The following TRPC5 variants were observed in gnomAD, a reference collection of about 807,000 sequenced individuals.
TRPC5 encodes the protein short transient receptor potential channel 5.
In TRPC5, 9 loss-of-function variants were observed where a neutral mutation model predicts 56.5. The ratio of observed to expected loss-of-function variants is 0.16; its 90% CI spans 0.10 to 0.28. The LOEUF is 0.28. TRPC5 is among the 10% of genes least tolerant of loss of function. TRPC5 has a pLI of 1.00. For synonymous variants in TRPC5, 282 were observed against 278.5 expected (o/e 1.01, Z -0.13); for missense variants, 469 against 748.9 (o/e 0.63, Z 4.36).
intron 1 of TRPC5, among the ~76,000 whole-genome samples, chrX:112,077,605 C>T (rs1306321332): frequency 9.0e-6 from 1 of 111,600 alleles, no homozygotes; most frequent in African/African-American, 3.3e-5. Context: ...CTTGGAGTAG[C>T]AAGGCTCTAG....
chrX:112,040,829 C>T (rs1343405208), intron 1 of TRPC5, among the ~76,000 whole-genome samples: 1 of 111,939 alleles, frequency 8.9e-6, no homozygotes, highest in African/African-American at 3.2e-5. Context: ...CAAGAATATA[C>T]TCTGAGACAG....
At chrX:111,990,542 C>T (rs898510046) in intron 1 of TRPC5, among the ~76,000 whole-genome samples, 3 of 111,599 alleles carry the variant, frequency 2.7e-5, no homozygotes, top group African/African-American at 6.5e-5. Flanking sequence ...AAATAGATCA[C>T]GTTAAAATGG....
Position 111,846,094 on chromosome X carries a change from A to C in TRPC5, c.1700+1020T>G, listed in dbSNP as rs142922941. Among the ~76,000 whole-genome samples, 518 of 110,765 alleles carry C rather than the reference A, an allele frequency of 4.7e-3. 2 individuals are homozygous for C. Among genetic ancestry groups the C allele is most frequent in the African/African-American group, 0.017 (494 of 29,620 alleles). ...GTTTTGTTTTTTTCTCTATCACTGCAACAGTCCTTTTTTTCTCTGGCCTTT... is the reference window on the plus strand; with the variant it reads ...GTTTTGTTTTTTTCTCTATCACTGCCACAGTCCTTTTTTTCTCTGGCCTTT... On this transcript the variant is annotated intron_variant, in intron 6 of 10. Transcript: ENST00000262839.
intron 1 of TRPC5, among the ~76,000 whole-genome samples, chrX:112,050,913 C>T (rs1237588198): frequency 8.9e-6 from 1 of 112,355 alleles, no homozygotes; most frequent in Non-Finnish European, 1.9e-5. Context: ...TAACTGACTT[C>T]TCTAAGTTCC....
chrX:111,919,233 T>C (rs1350910101), intron 2 of TRPC5, among the ~76,000 whole-genome samples: 1 of 111,414 alleles, frequency 9.0e-6, no homozygotes, highest in Non-Finnish European at 1.9e-5. Flanking sequence ...ACTCTGTAGC[T>C]AGCTAGAGGT....
chrX:111,903,394 G>A (rs1226189751), intron 3 of TRPC5: 2 of 112,298 alleles, frequency 1.8e-5, no homozygotes, highest in Admixed American at 9.4e-5. Context: ...GACGGTTTAT[G>A]ATGGAAAGCC....
rs189530183 is a variant in TRPC5 at position 111,913,588 on chromosome X, G to C, written c.379-776C>G. On this transcript the variant is annotated intron_variant, in intron 2 of 10. Coordinates refer to ENST00000262839, the MANE Select transcript of TRPC5 (RefSeq NM_012471.3). Reference sequence around the variant, plus strand: ...AAATAGCAGCTATAGGTGAAAGATGGGGGCTTCTTTGGGTATTCAGGAGCA... The same window carrying C: ...AAATAGCAGCTATAGGTGAAAGATGCGGGCTTCTTTGGGTATTCAGGAGCA... 2.7e-5 allele frequency among the ~76,000 whole-genome samples: 3 copies of C among 111,447 alleles called. No individual in the cohort carries two copies. The East Asian group carries it at 8.5e-4, about 32-fold the overall frequency.
intron 2 of TRPC5, among the ~76,000 whole-genome samples, chrX:111,949,581 C>T (rs1927020425): frequency 8.9e-6 from 1 of 112,010 alleles, no homozygotes; most frequent in Non-Finnish European, 1.9e-5. Context: ...GGCCAACAAA[C>T]ATATGAAAAA....
At chrX:112,012,316 C>T (rs1929012256) in intron 1 of TRPC5, among the ~76,000 whole-genome samples, 1 of 112,080 alleles carries the variant, frequency 8.9e-6, no homozygotes, top group South Asian at 3.7e-4. Flanking sequence ...CATTTCTTGG[C>T]TATGCCTCAC....
chrX:112,070,758 C>CCA (rs370299776), intron 1 of TRPC5, among the ~76,000 whole-genome samples: 2,938 of 108,222 alleles, frequency 0.027, 130 homozygotes, highest in African/African-American at 0.095. Flanking sequence ...TGCCCCCCCC[C>CCA]AAAGTTACTT....
chrX:112,018,639 T>C (rs1423304510), intron 1 of TRPC5, among the ~76,000 whole-genome samples: 1 of 112,490 alleles, frequency 8.9e-6, no homozygotes, highest in Admixed American at 9.4e-5. Context: ...GGACCTATAT[T>C]AGTTTTTTAT....
At chrX:112,029,869 C>T (rs1024918601) in intron 1 of TRPC5, among the ~76,000 whole-genome samples, 1 of 109,273 alleles carries the variant, frequency 9.2e-6, no homozygotes, top group African/African-American at 3.4e-5. Flanking sequence ...CTCTTGTTAC[C>T]CAGACTGGAG....
chrX:112,066,519 G>A (rs1173808308), intron 1 of TRPC5, among the ~76,000 whole-genome samples: 5 of 111,828 alleles, frequency 4.5e-5, no homozygotes, highest in Non-Finnish European at 9.4e-5. Flanking sequence ...AAGTTGTCAG[G>A]AAGCATATCA....
chrX:111,912,890 G>A, intron 2 of TRPC5, 78 bp from the exon 3 acceptor site: 1 of 1,025,501 alleles, frequency 9.8e-7, no homozygotes, highest in Non-Finnish European at 1.3e-6. Context: ...TAAAATGCTG[G>A]CGATTCAGGA....
chrX:112,008,599 C>CAAAAAAAAAAAAAAAA (rs771663324), intron 1 of TRPC5, among the ~76,000 whole-genome samples: 43 of 74,029 alleles, frequency 5.8e-4, no homozygotes, highest in African/African-American at 1.6e-3. Flanking sequence ...GACTCTGTCT[C>CAAAAAAAAAAAAAAAA]AAAAAAAAAA....
At chrX:112,006,915 T>A (rs1329622180) in intron 1 of TRPC5, among the ~76,000 whole-genome samples, 2 of 110,697 alleles carry the variant, frequency 1.8e-5, no homozygotes, top group Admixed American at 9.6e-5. Flanking sequence ...GAAAAAAAAA[T>A]TAGGACTTTC....
At chrX:111,984,214 G>A (rs1378013896) in intron 1 of TRPC5, among the ~76,000 whole-genome samples, 2 of 111,291 alleles carry the variant, frequency 1.8e-5, no homozygotes, top group African/African-American at 6.5e-5. Context: ...CACTTCTAGG[G>A]GACTGCCAAA....
chrX:111,929,978 A>G (rs1001568450), intron 2 of TRPC5, among the ~76,000 whole-genome samples: 12 of 111,826 alleles, frequency 1.1e-4, no homozygotes, highest in Admixed American at 1.9e-4. Flanking sequence ...AGATACAGTA[A>G]CACTCCTGCC....
intron 3 of TRPC5, among the ~76,000 whole-genome samples, chrX:111,909,783 G>T (rs1925757218): frequency 9.0e-6 from 1 of 111,028 alleles, no homozygotes; most frequent in Admixed American, 9.7e-5. Context: ...AGAACACAAG[G>T]GACAAAATTT....
Sources: gnomAD v4.1 joint callset for allele counts (sites outside exome capture counted in the v4.1 genomes callset) on GRCh38, gnomAD v4.1.1 for gene constraint, MANE v1.5 for transcripts, NCBI Gene and HGNC (gene_info 2026-07-23, HGNC 2026-07-21) for gene names.